The following TENM2 variants were observed in gnomAD, a reference collection of about 807,000 sequenced individuals.
TENM2 encodes teneurin transmembrane protein 2.
In TENM2, 52 loss-of-function variants were observed where a neutral mutation model predicts 245.2. The observed-to-expected ratio is 0.21, with a 90% CI of 0.17 to 0.27. The LOEUF (loss-of-function observed/expected upper bound fraction) is 0.27. TENM2 is among the 10% of genes least tolerant of loss of function. The probability of loss-of-function intolerance (pLI) is 1.00; values close to 1 mark genes in which losing one functional copy is unlikely to be tolerated. For missense variants in TENM2, 3,046 were observed against 3,666.8 expected, an observed-to-expected ratio of 0.83 and a Z score of 4.37; for synonymous variants, 1,363 against 1,438.9, an observed-to-expected ratio of 0.95 and a Z score of 1.19.
intron 2 of TENM2, among the ~76,000 whole-genome samples, chr5:167,640,896 T>A (rs1195343642): frequency 1.0e-5 from 1 of 99,506 alleles, no homozygotes; most frequent in Non-Finnish European, 2.0e-5. Flanking sequence ...TATATATATA[T>A]ATATATATAT....
the TENM2 span, among the ~76,000 whole-genome samples, chr5:167,013,752 G>T: frequency 6.6e-6 from 1 of 152,106 alleles, no homozygotes. Flanking sequence ...GAAGGAAAGT[G>T]GTAGGTCTGA....
At chr5:167,232,193 C>T in the TENM2 span, among the ~76,000 whole-genome samples, 5 of 152,204 alleles carry the variant, frequency 3.3e-5, no homozygotes, top group Non-Finnish European at 7.4e-5. Context: ...TCAGAGCCCC[C>T]ACACAGAGTC....
chr5:167,608,102 A>G (rs1371798846), intron 2 of TENM2, among the ~76,000 whole-genome samples: 2 of 152,172 alleles, frequency 1.3e-5, no homozygotes, highest in Admixed American at 1.3e-4. Flanking sequence ...CTATAAAACT[A>G]AAAGTCATAT....
At chr5:167,402,424 A>G (rs1462534580) in intron 2 of TENM2, among the ~76,000 whole-genome samples, 1 of 152,144 alleles carries the variant, frequency 6.6e-6, no homozygotes, top group East Asian at 1.9e-4. Flanking sequence ...AGAAGTATGT[A>G]TGAAGGTTTA....
the TENM2 span, among the ~76,000 whole-genome samples, chr5:167,246,338 T>C: frequency 2.6e-5 from 4 of 152,154 alleles, no homozygotes; most frequent in Non-Finnish European, 5.9e-5. Flanking sequence ...TATTACTACA[T>C]ATACATAAAA....
chr5:167,572,035 T>A (rs150473876), intron 2 of TENM2, among the ~76,000 whole-genome samples: 254 of 152,352 alleles, frequency 1.7e-3, no homozygotes, highest in Non-Finnish European at 2.9e-3. Context: ...AGCTGCCTTC[T>A]GTTCAGCCCC....
chr5:167,402,462 T>C (rs557681181), intron 2 of TENM2, among the ~76,000 whole-genome samples: 1 of 152,238 alleles, frequency 6.6e-6, no homozygotes, highest in African/African-American at 2.4e-5. Flanking sequence ...CAGAACATAA[T>C]GATGTGAACA....
At chr5:167,573,915 A>G (rs1446341408) in intron 2 of TENM2, 3 of 152,336 alleles carry the variant, frequency 2.0e-5, no homozygotes, top group African/African-American at 7.2e-5. Flanking sequence ...GAAAGAAAAA[A>G]AAAGGCGGGG....
chr5:168,235,723 C>A (rs1765370502), intron 25 of TENM2, among the ~76,000 whole-genome samples: 2 of 152,018 alleles, frequency 1.3e-5, no homozygotes, highest in Admixed American at 1.3e-4. Flanking sequence ...AATAGAATCA[C>A]TTGAACATGC....
intron 2 of TENM2, among the ~76,000 whole-genome samples, chr5:167,612,387 G>A (rs868494490): frequency 2.0e-5 from 3 of 151,712 alleles, no homozygotes; most frequent in Admixed American, 6.6e-5. Flanking sequence ...TTTAATTTTC[G>A]TAAGTTACAT....
chr5:168,018,451 G>A (rs1361660759), intron 5 of TENM2, among the ~76,000 whole-genome samples: 1 of 151,112 alleles, frequency 6.6e-6, no homozygotes, highest in African/African-American at 2.4e-5. Context: ...TTTAGGGGGA[G>A]AAAAGGATTG....
chr5:167,872,288 G>GAT (rs1554135660), intron 2 of TENM2, among the ~76,000 whole-genome samples: 1 of 69,274 alleles, frequency 1.4e-5, no homozygotes, highest in Non-Finnish European at 2.7e-5. Flanking sequence ...AAAAAAGAAA[G>GAT]AGAAAGATAG....
rs34812394 is a variant in TENM2 at position 167,909,910 on chromosome 5, C to CTT, written c.712+33730_712+33731dup. ...CCTGGCTTTGAAATTGTGAGTAAGGCTTTTTTTTTTTTTTTTCCAGCATAA... is the reference window on the plus strand; with the variant it reads ...CCTGGCTTTGAAATTGTGAGTAAGGCTTTTTTTTTTTTTTTTTTCCAGCATAA... On this transcript the variant is annotated intron_variant, in intron 3 of 28. Coordinates refer to ENST00000518659, the Ensembl canonical transcript of TENM2. Among the ~76,000 whole-genome samples, 145 of 134,796 alleles carry CTT rather than the reference C, an allele frequency of 1.1e-3. 1 individual carries two copies. The highest frequency in any genetic ancestry group is 3.6e-3 in the African/African-American group (133 of 37,112). The allele number at this position is 134,796 out of a possible 152,430, so 88.4% of individuals were successfully genotyped here.
exon 29 of TENM2, chr5:168,262,327 G>A: frequency 2.5e-6 from 4 of 1,609,858 alleles, no homozygotes; most frequent in South Asian, 1.1e-5. Flanking sequence ...ACAGCATCGA[G>A]GGCAAGGACA....
At chr5:167,545,206 A>G (rs1030379788) in intron 2 of TENM2, among the ~76,000 whole-genome samples, 9 of 152,154 alleles carry the variant, frequency 5.9e-5, no homozygotes, top group Non-Finnish European at 1.3e-4. Context: ...TGAACATAAT[A>G]CTGCCTTGTT....
chr5:167,461,514 C>T lies in TENM2; in HGVS notation c.502+86041C>T, dbSNP rs779171977. ...GAATGGTCTGACACTGTGATGCCAA[C>T]GTGCTGGTTACCTCCCGGCAGTCTT... is the stretch of plus-strand genomic sequence containing the variant. On this transcript the variant is annotated intron_variant, in intron 2 of 28. Coordinates refer to ENST00000518659, the Ensembl canonical transcript of TENM2. Among the ~76,000 whole-genome samples the T allele has an allele frequency of 3.5e-4, 54 of 152,124 alleles. 1 individual carries two copies. Among genetic ancestry groups the T allele is most frequent in the Admixed American group, 1.5e-3 (23 of 15,276 alleles).
intron 7 of TENM2, among the ~76,000 whole-genome samples, chr5:168,073,553 C>G (rs980755572): frequency 2.6e-5 from 4 of 152,198 alleles, no homozygotes; most frequent in Non-Finnish European, 4.4e-5. Context: ...GCAAGAGTGA[C>G]CTAGGGGGGC....
the TENM2 span, among the ~76,000 whole-genome samples, chr5:167,170,458 A>T: frequency 6.6e-6 from 1 of 152,204 alleles, no homozygotes; most frequent in Non-Finnish European, 1.5e-5. Context: ...TGGGATAGTG[A>T]TATGCCTCTT....
the TENM2 span, among the ~76,000 whole-genome samples, chr5:167,071,732 T>G: frequency 1.3e-5 from 2 of 152,164 alleles, no homozygotes; most frequent in African/African-American, 4.8e-5. Context: ...TGGTAGGCAT[T>G]GGCTTCCCAT....
Sources: gnomAD v4.1 joint callset for allele counts (sites outside exome capture counted in the v4.1 genomes callset) on GRCh38, gnomAD v4.1.1 for gene constraint, MANE v1.5 for transcripts, NCBI Gene and HGNC (gene_info 2026-07-23, HGNC 2026-07-21) for gene names.